ATG4A: variants seen among roughly 807,000 people sequenced by gnomAD.
The protein encoded by ATG4A is autophagy related 4A cysteine peptidase.
A neutral mutation model predicts 38.4 loss-of-function variants in ATG4A; 22 were observed. That is an observed-to-expected ratio of 0.57 (90% CI 0.41 to 0.82). The LOEUF is 0.82. Ranked by LOEUF, ATG4A falls within the 40% of genes least tolerant of loss-of-function variation. The pLI is 0.00. For synonymous variants in ATG4A, 86 were observed against 100.7 expected, an observed-to-expected ratio of 0.85 and a Z score of 0.88; for missense variants, 220 against 290.0, an observed-to-expected ratio of 0.76 and a Z score of 1.75.
intron 1 of ATG4A, among the ~76,000 whole-genome samples, chrX:108,114,607 A>G (rs995654075): frequency 8.9e-6 from 1 of 112,623 alleles, no homozygotes; most frequent in African/African-American, 3.2e-5. Flanking sequence ...CCAAACCACA[A>G]GTGGTTTTGC....
At chrX:108,096,687 G>T (rs745923573) in intron 1 of ATG4A, among the ~76,000 whole-genome samples, 1 of 108,872 alleles carries the variant, frequency 9.2e-6, no homozygotes. Flanking sequence ...TTATTTTATT[G>T]TATGTTATGT....
chrX:108,115,096 TG>T (rs918363163), intron 1 of ATG4A, among the ~76,000 whole-genome samples: 6 of 104,067 alleles, frequency 5.8e-5, no homozygotes, highest in African/African-American at 2.3e-4. Flanking sequence ...TTGATGTGTA[TG>T]TGTGCATGTG....
chrX:108,151,103 G>C (rs1009617753), intron 10 of ATG4A, among the ~76,000 whole-genome samples: 2 of 112,021 alleles, frequency 1.8e-5, no homozygotes, highest in African/African-American at 6.5e-5. Flanking sequence ...ACTAGGGAGA[G>C]ATAAGGGAGC....
At chrX:108,143,835 A>G (rs998905541) in intron 9 of ATG4A, 1 of 135,547 alleles carries the variant, frequency 7.4e-6, no homozygotes, top group African/African-American at 3.2e-5. Context: ...AATCCTGGCT[A>G]TGAGAGAAAG....
At chrX:108,121,333 A>T (rs944129270) in intron 1 of ATG4A, among the ~76,000 whole-genome samples, 2 of 111,553 alleles carry the variant, frequency 1.8e-5, no homozygotes, top group Non-Finnish European at 3.8e-5. Flanking sequence ...AGCCCTGTGC[A>T]GGTTGACTTT....
intron 9 of ATG4A, among the ~76,000 whole-genome samples, chrX:108,139,108 A>C (rs746452493): frequency 4.6e-4 from 51 of 111,206 alleles, no homozygotes; most frequent in African/African-American, 1.6e-3. Context: ...CAGGAGTTAC[A>C]AGGGAATGGC....
intron 8 of ATG4A, 51 bp downstream of exon 8, chrX:108,138,042 A>G: frequency 8.4e-7 from 1 of 1,196,026 alleles, no homozygotes; most frequent in Non-Finnish European, 1.1e-6. Flanking sequence ...TCACACCGCC[A>G]TCTCAGCACA....
intron 9 of ATG4A, among the ~76,000 whole-genome samples, chrX:108,149,488 C>T (rs1320690427): frequency 8.9e-6 from 1 of 112,736 alleles, no homozygotes; most frequent in Non-Finnish European, 1.9e-5. Context: ...TCAGTCATCT[C>T]AAAGTGAATT....
At chrX:108,091,401 C>T (rs764154213), upstream of ATG4A, 5 of 1,207,111 alleles carry the variant, frequency 4.1e-6, no homozygotes, top group Non-Finnish European at 5.6e-6. Flanking sequence ...CCTAGCGTTG[C>T]TTTACCTGGT....
rs757803129 is a variant in ATG4A, at chrX:108,144,854, A to G, written c.815-5298A>G. On this transcript the variant is annotated intron_variant, in intron 9 of 12. Coordinates refer to ENST00000372232, the MANE Select transcript of ATG4A (RefSeq NM_052936.5). ...TATGAATTAGTATATAATCGCACAT[A>G]TGGCCGTTTCTCCTTCCATGCAAAG... is the stretch of plus-strand genomic sequence containing the variant. Among the ~76,000 whole-genome samples, 258 of 112,126 alleles carry G rather than the reference A, an allele frequency of 2.3e-3. 2 individuals are homozygous for G. The highest frequency in any genetic ancestry group is 3.7e-3 in the Non-Finnish European group (199 of 53,219).
rs2032761111 is a variant in ATG4A, at chrX:108,124,962, C to T, written c.11-1115C>T. On this transcript the variant is annotated intron_variant, in intron 1 of 12. Transcript: ENST00000372232. ...TCCCTTCCTCACAGGGGCTGAGGAG[C>T]CCCCATGAGTTGAGAGGTGTATGTT... is the stretch of plus-strand genomic sequence containing the variant. Among the ~76,000 whole-genome samples, 7 of 111,427 alleles carry T rather than the reference C, an allele frequency of 6.3e-5. No individual in the cohort carries two copies. In the South Asian group the frequency reaches 2.6e-3, roughly 42 times the overall value.
At chrX:108,092,349 C>G (rs1886480407) in intron 1 of ATG4A, among the ~76,000 whole-genome samples, 2 of 112,204 alleles carry the variant, frequency 1.8e-5, no homozygotes, top group South Asian at 7.5e-4. Context: ...ACGATATTAA[C>G]TATGTTGTCA....
chrX:108,101,819 A>G (rs2032023417), intron 1 of ATG4A, among the ~76,000 whole-genome samples: 1 of 108,996 alleles, frequency 9.2e-6, no homozygotes, highest in Non-Finnish European at 1.9e-5. Context: ...ATATAAGTGG[A>G]ATCATGCAGT....
At chrX:108,142,346 A>G (rs1458616767) in intron 9 of ATG4A, among the ~76,000 whole-genome samples, 1 of 111,106 alleles carries the variant, frequency 9.0e-6, no homozygotes, top group Non-Finnish European at 1.9e-5. Context: ...GCTTGAGCCC[A>G]GGAGGTCAAG....
intron 1 of ATG4A, among the ~76,000 whole-genome samples, chrX:108,092,976 T>C (rs1366922168): frequency 2.7e-5 from 3 of 112,194 alleles, no homozygotes; most frequent in Non-Finnish European, 5.6e-5. Context: ...TTTTATTTAA[T>C]TTTTCAAAAA....
chrX:108,142,276 C>T (rs717710), intron 9 of ATG4A, among the ~76,000 whole-genome samples: 43,343 of 108,570 alleles, frequency 0.4, 6,863 homozygotes, highest in Non-Finnish European at 0.46. Flanking sequence ...GATGTGGTGG[C>T]GCATGCCTAT....
chrX:108,131,276 A>C lies in ATG4A; in HGVS notation c.210A>C (p.Ser70=). 2 of 1,211,638 alleles carry C rather than the reference A, an allele frequency of 1.7e-6. No homozygotes were observed. Among genetic ancestry groups the C allele is most frequent in the Non-Finnish European group, 1.1e-6 (1 of 895,489 alleles). ...TGCCAACAGGTGGAACGGGCCCTTC[A>C]TCAGATGCTGGTTGGGGATGTATGC... ...KFSPIGGTGP[S]SDAGWGCMLR... Residue 70 remains serine (S), a synonymous_variant, in exon 4 of 13, where the codon TCA becomes TCC. Transcript: ENST00000372232.
chrX:108,148,020 AATATATATATATATATATATATAT>A (rs60886281), intron 9 of ATG4A, among the ~76,000 whole-genome samples: 3,020 of 80,019 alleles, frequency 0.038, 119 homozygotes, highest in African/African-American at 0.063. Context: ...ACTAATGGAA[AATATATATATATATATATATATAT>A]ATATATATAT....
In ATG4A at chrX:108,098,310, C is replaced by T. The variant is rs188003564; in HGVS notation, c.10+6474C>T. Among the ~76,000 whole-genome samples the T allele has an allele frequency of 1.8e-3, 197 of 112,080 alleles. 1 individual carries two copies. The highest frequency in any genetic ancestry group is 6.2e-3 in the African/African-American group (191 of 30,857). On this transcript the variant is annotated intron_variant, in intron 1 of 12. Transcript: ENST00000372232. ...TAATAAAGCACTTTATATTTACTCC[C>T]TGAGTTTTAGCTTCCACACTCTTGT...
Sources: allele counts gnomAD v4.1 joint callset (sites outside exome capture counted in the v4.1 genomes callset), GRCh38; gene constraint gnomAD v4.1.1; transcripts MANE v1.5; gene names NCBI Gene and HGNC (gene_info 2026-07-23, HGNC 2026-07-21).